Variants in MROH2B observed in about 807,000 individuals in gnomAD.
The protein encoded by MROH2B is maestro heat like repeat family member 2B, also known as maestro heat-like repeat-containing protein family member 2B.
MROH2B carries 177 observed loss-of-function variants against 208.6 expected under a neutral mutation model. The ratio of observed to expected loss-of-function variants is 0.85; its 90% CI spans 0.75 to 0.96. The LOEUF (loss-of-function observed/expected upper bound fraction) is 0.96, where lower values mean the gene tolerates loss of function less well. Among genes scored for constraint, MROH2B ranks in the 40% least tolerant of loss-of-function variants. MROH2B has a pLI of 0.00. For synonymous variants in MROH2B, 728 were observed against 659.0 expected (o/e 1.10, Z -1.60); for missense variants, 2,002 against 1,878.7 (o/e 1.07, Z -1.21).
chr5:41,028,150 C>T (rs1409061337), intron 24 of MROH2B, among the ~76,000 whole-genome samples: 1 of 152,148 alleles, frequency 6.6e-6, no homozygotes, highest in East Asian at 1.9e-4. Flanking sequence ...AACAAACCTG[C>T]ACGTTGTGCA....
In MROH2B at chr5:41,070,987, C is replaced by T. The variant is rs1023081350; in HGVS notation, c.-135G>A. On this transcript the variant is annotated 5_prime_UTR_variant, in exon 1 of 42. The change creates a premature stop within an existing upstream ORF in the 5' untranslated region. Transcript: ENST00000399564. The stretch of plus-strand genomic sequence containing the variant: ...GCCTCTCTAAATGAAAGTGCCTCCT[C>T]CACTTGATTGGCACAATGGTCTGGG... 1.2e-5 allele frequency: 10 copies of T among 800,754 alleles called. No homozygotes were observed. Among genetic ancestry groups the T allele is most frequent in the Non-Finnish European group, 1.8e-5 (9 of 488,304 alleles). 49.6% of individuals were successfully genotyped at this position (800,754 alleles called of 1,614,324 possible). A position where few individuals can be genotyped will look rare whatever the true frequency, so the allele number is the denominator to read the frequency against.
intron 24 of MROH2B, among the ~76,000 whole-genome samples, chr5:41,020,087 A>G (rs1217749163): frequency 6.6e-6 from 1 of 152,200 alleles, no homozygotes; most frequent in Non-Finnish European, 1.5e-5. Context: ...GCTCGTGAAC[A>G]TGAGTTGTGG....
chr5:41,014,244 GC>G (rs745685988), intron 29 of MROH2B, among the ~76,000 whole-genome samples: 23 of 152,274 alleles, frequency 1.5e-4, no homozygotes, highest in Middle Eastern at 6.8e-3. Context: ...ACATGAGGGT[GC>G]CCTTTTGCAT....
rs149557394 is a variant in MROH2B, at chr5:41,052,477, C to A, written c.1218G>T (p.Leu406Phe). 1,836 of 1,612,412 alleles carry A rather than the reference C, an allele frequency of 1.1e-3. 23 individuals are homozygous for A. In the African/African-American group the frequency reaches 0.021, roughly 19 times the overall value. ...IDYVFSQFATLNRNLEKPVKT... is the reference protein window; with the variant it reads ...IDYVFSQFATFNRNLEKPVKT... Reference sequence around the variant, plus strand: ...AGCCTCTGCATACCAGATTCCTGTTCAACGTTGCAAACTGGGAGAAGACAT... The same window carrying A: ...AGCCTCTGCATACCAGATTCCTGTTAAACGTTGCAAACTGGGAGAAGACAT... Residue 406 changes from leucine (L) to phenylalanine (F), a missense_variant, in exon 12 of 42, where the codon TTG becomes TTT. Leu to Phe is a conservative substitution (Grantham distance 22). Transcript: ENST00000399564.
intron 17 of MROH2B, among the ~76,000 whole-genome samples, chr5:41,046,790 G>A (rs777984161): frequency 6.6e-6 from 1 of 152,180 alleles, no homozygotes; most frequent in East Asian, 1.9e-4. Flanking sequence ...AATCTGGTAG[G>A]AATTTTGGGA....
intron 24 of MROH2B, among the ~76,000 whole-genome samples, chr5:41,022,628 G>A (rs1346469839): frequency 6.6e-6 from 1 of 152,228 alleles, no homozygotes; most frequent in Non-Finnish European, 1.5e-5. Flanking sequence ...TGGTGGCAGG[G>A]CATAGCCGAA....
At chr5:41,056,012 T>A (rs1743438340) in intron 9 of MROH2B, among the ~76,000 whole-genome samples, 157 bp from the exon 10 acceptor site, 1 of 152,210 alleles carries the variant, frequency 6.6e-6, no homozygotes, top group Non-Finnish European at 1.5e-5. Flanking sequence ...TATCACAGAA[T>A]TAATTGAGCA....
chr5:40,999,163 A>T (rs1741306561), intron 40 of MROH2B, among the ~76,000 whole-genome samples: 1 of 152,344 alleles, frequency 6.6e-6, no homozygotes, highest in East Asian at 1.9e-4. Context: ...AGATTTACTT[A>T]TGTTTTATTT....
At chr5:41,055,980 T>G in intron 9 of MROH2B, 125 bp from the exon 10 acceptor site, 1 of 683,406 alleles carries the variant, frequency 1.5e-6, no homozygotes, top group South Asian at 1.8e-5. Context: ...AATTTGATTT[T>G]ATTACGTCCA....
Position 40,998,076 on chromosome 5 carries a change from A to G in MROH2B, c.4734T>C (p.Cys1578=), listed in dbSNP as rs776926520. The change falls in exon 42 of 42, where the codon TGT becomes TGC. Residue 1578 remains cysteine, a synonymous_variant. Coordinates refer to ENST00000399564, the MANE Select transcript of MROH2B (RefSeq NM_173489.5). ...EAALQTLLRR[C]KETSIPL ...CTTACAGAGGAATGCTTGTCTCTTTACACCTTCTCAGGAGGGTTTGCAAAG... is the reference window on the plus strand; with the variant it reads ...CTTACAGAGGAATGCTTGTCTCTTTGCACCTTCTCAGGAGGGTTTGCAAAG... 2.5e-6 allele frequency: 4 copies of G among 1,611,610 alleles called. No homozygotes were observed. The highest frequency in any genetic ancestry group is 1.7e-5 in the Admixed American group (1 of 59,864).
At position 41,057,136 on chromosome 5, in the gene MROH2B, T is replaced by G. The variant is rs370430689; in HGVS notation, c.892A>C (p.Lys298Gln). Residue 298 changes from lysine to glutamine, a missense_variant, in exon 9 of 42, where the codon AAA (lysine) becomes CAA (glutamine). Lys to Gln is a moderately conservative substitution (Grantham distance 53, BLOSUM62 1). Coordinates refer to ENST00000399564, the MANE Select transcript of MROH2B (RefSeq NM_173489.5). ...AGAATGAGAAAACAGCTTGAAGCTT[T>G]CATTTCATTTTCCTTTACTGGAGGC... Reference protein sequence around the residue: ...PEPPVKENEMKASSCFLILAH... With the variant: ...PEPPVKENEMQASSCFLILAH... 10 of 1,613,926 alleles carry G rather than the reference T, an allele frequency of 6.2e-6. No homozygotes were observed. The African/African-American group carries it at 1.2e-4, about 19-fold the overall frequency.
intron 40 of MROH2B, 38 bp from the exon 41 acceptor site, chr5:40,998,715 T>A (rs767964393): frequency 1.3e-6 from 2 of 1,510,950 alleles, no homozygotes; most frequent in African/African-American, 2.8e-5. Context: ...GATTTCATTA[T>A]AGAGGAAGAA....
chr5:41,038,815 G>A lies in MROH2B; in HGVS notation c.2135C>T (p.Ala712Val). Residue 712 changes from alanine to valine, a missense_variant, in exon 21 of 42, where the codon GCT (alanine) becomes GTT (valine). Physicochemically the swap from Ala to Val is moderately conservative, Grantham distance 64. Transcript: ENST00000399564. ...TCTGGAGAGAAGTTGCTTCTTGGGA[G>A]CATGGAGGGCCACTGCTCCATAGAT... Reference protein sequence around the residue: ...MVIYGAVALHAPKKQLLSRLN... With the variant: ...MVIYGAVALHVPKKQLLSRLN... 1 of 1,613,616 alleles carries A rather than the reference G, an allele frequency of 6.2e-7. No homozygotes were observed. Among genetic ancestry groups the A allele is most frequent in the Non-Finnish European group, 8.5e-7 (1 of 1,179,672 alleles).
At chr5:41,045,180 T>C (rs1478456896) in intron 18 of MROH2B, among the ~76,000 whole-genome samples, 1 of 152,170 alleles carries the variant, frequency 6.6e-6, no homozygotes, top group Non-Finnish European at 1.5e-5. Flanking sequence ...GTTTGAAAAA[T>C]ACTTTATTGC....
At position 41,049,363 on chromosome 5, in the gene MROH2B, A is replaced by T; in HGVS notation, c.1418T>A (p.Ile473Asn). Residue 473 changes from isoleucine to asparagine, a missense_variant, in exon 14 of 42, where the codon ATC becomes AAC. Transcript: ENST00000399564. The stretch of plus-strand genomic sequence containing the variant: ...CTCTGCCATAATCAGAATTCTGATG[A>T]TACTAAACAGGGGCTCCAGAGCTTC... ...YTEALEPLFS[I>N]IRILIMAEEK... 6.2e-7 allele frequency: 1 copy of T among 1,613,774 alleles called. No homozygotes were observed. Among genetic ancestry groups the T allele is most frequent in the Non-Finnish European group, 8.5e-7 (1 of 1,179,812 alleles).
intron 22 of MROH2B, 21 bp downstream of exon 22, chr5:41,033,815 ATC>A: frequency 9.7e-7 from 1 of 1,029,722 alleles, no homozygotes; most frequent in Non-Finnish European, 1.3e-6. Flanking sequence ...CTATCTATCT[ATC>A]TATCTATCTA....
chr5:40,998,609 C>CA lies in MROH2B; in HGVS notation c.4651+2dup. The CA allele has an allele frequency of 1.9e-6, 3 of 1,592,608 alleles. No homozygotes were observed. The South Asian group carries it at 3.4e-5, about 18-fold the overall frequency. The stretch of plus-strand genomic sequence containing the variant: ...GCTGGGAAGAAACTAGGTTGGTACT[C>CA]ACGTGTGGTCAGTTGTTCTCTGTCT... On this transcript the variant is annotated splice_region_variant and intron_variant, in intron 41 of 41. Transcript: ENST00000399564.
intron 11 of MROH2B, 95 bp downstream of exon 11, chr5:41,054,672 A>T: frequency 1.1e-6 from 1 of 912,672 alleles, no homozygotes; most frequent in Non-Finnish European, 1.6e-6. Context: ...AGAGTTCTTT[A>T]TAAAATAGTC....
chr5:41,024,177 C>A (rs143252902), intron 24 of MROH2B, among the ~76,000 whole-genome samples: 24,754 of 152,066 alleles, frequency 0.16, 2,145 homozygotes, highest in East Asian at 0.3. Context: ...CAAATTCACA[C>A]ATAACAATAT....
Sources: allele counts gnomAD v4.1 joint callset (sites outside exome capture counted in the v4.1 genomes callset), GRCh38; gene constraint gnomAD v4.1.1; transcripts MANE v1.5; gene names NCBI Gene and HGNC (gene_info 2026-07-23, HGNC 2026-07-21).